NUSAP1: variants seen among roughly 807,000 people sequenced by gnomAD.
NUSAP1 encodes the protein nucleolar and spindle-associated protein 1.
NUSAP1 carries 32 observed loss-of-function variants against 52.8 expected under a neutral mutation model. That is an observed-to-expected ratio of 0.61 (90% CI 0.46 to 0.81). NUSAP1 has a LOEUF of 0.81. Among genes scored for constraint, NUSAP1 ranks in the 40% least tolerant of loss-of-function variants. The pLI is 0.00. For synonymous variants in NUSAP1, 195 were observed against 183.1 expected (o/e 1.06, Z -0.52); for missense variants, 499 against 522.3 (o/e 0.96, Z 0.43).
chr15:41,340,650 G>A (rs1462973632), intron 1 of NUSAP1, among the ~76,000 whole-genome samples: 4 of 152,154 alleles, frequency 2.6e-5, no homozygotes, highest in Admixed American at 6.5e-5. Flanking sequence ...ATTTTTGTAT[G>A]TTTGGTGAGA....
At chr15:41,349,882 T>C (rs2140621013) in intron 3 of NUSAP1, among the ~76,000 whole-genome samples, 1 of 151,004 alleles carries the variant, frequency 6.6e-6, no homozygotes, top group South Asian at 2.1e-4. Context: ...TTCTCCTGCC[T>C]CTGCCTCCTG....
At chr15:41,340,730 C>G (rs1489662917) in intron 1 of NUSAP1, among the ~76,000 whole-genome samples, 2 of 152,156 alleles carry the variant, frequency 1.3e-5, no homozygotes, top group African/African-American at 2.4e-5. Flanking sequence ...CAATCATCCC[C>G]TTCCCAGAGA....
intron 4 of NUSAP1, among the ~76,000 whole-genome samples, chr15:41,352,249 C>A (rs796202442): frequency 2.0e-5 from 3 of 151,930 alleles, no homozygotes; most frequent in South Asian, 2.1e-4. Context: ...GCCTTCCTTT[C>A]GCTTTCTTTT....
At chr15:41,362,584 C>A (rs2049220551) in intron 6 of NUSAP1, among the ~76,000 whole-genome samples, 1 of 151,344 alleles carries the variant, frequency 6.6e-6, no homozygotes, top group Admixed American at 6.6e-5. Context: ...GCCACCACAC[C>A]CGGCTAATTT....
At chr15:41,370,749 CAAAAAAAA>C (rs60034914) in intron 7 of NUSAP1, among the ~76,000 whole-genome samples, 53 of 70,772 alleles carry the variant, frequency 7.5e-4, no homozygotes, top group Middle Eastern at 7.6e-3. Context: ...AACTCCATCT[CAAAAAAAA>C]AAAAAAAAAA....
chr15:41,360,992 G>A (rs2049153081), intron 6 of NUSAP1, among the ~76,000 whole-genome samples: 1 of 152,066 alleles, frequency 6.6e-6, no homozygotes, highest in Admixed American at 6.6e-5. Context: ...TACTCAGGAA[G>A]CTGAGACAGG....
chr15:41,357,837 A>G (rs1303282654), intron 5 of NUSAP1, among the ~76,000 whole-genome samples: 1 of 152,216 alleles, frequency 6.6e-6, no homozygotes, highest in African/African-American at 2.4e-5. Context: ...TTATTAAATA[A>G]AGACCACTTG....
At chr15:41,363,059 G>A (rs1171907156) in intron 6 of NUSAP1, among the ~76,000 whole-genome samples, 1 of 151,944 alleles carries the variant, frequency 6.6e-6, no homozygotes, top group Non-Finnish European at 1.5e-5. Flanking sequence ...GGCTGAGGTG[G>A]GTGGATCACC....
intron 8 of NUSAP1, among the ~76,000 whole-genome samples, chr15:41,374,601 C>T (rs774873912): frequency 3.9e-5 from 6 of 152,050 alleles, no homozygotes; most frequent in Non-Finnish European, 8.8e-5. Flanking sequence ...AATCTCGGCT[C>T]GCTGCAACCT....
At chr15:41,361,100 C>CAA (rs372017363) in intron 6 of NUSAP1, among the ~76,000 whole-genome samples, 2 of 141,814 alleles carry the variant, frequency 1.4e-5, no homozygotes, top group African/African-American at 5.2e-5. Context: ...TCTCAAAAAA[C>CAA]AAAAAAAATA....
At chr15:41,363,120 G>C (rs1595578019) in intron 6 of NUSAP1, among the ~76,000 whole-genome samples, 1 of 151,734 alleles carries the variant, frequency 6.6e-6, no homozygotes, top group Admixed American at 6.6e-5. Flanking sequence ...AACCCCGTCT[G>C]TACTAAAAAT....
At chr15:41,355,392 C>A (rs974332381) in intron 4 of NUSAP1, among the ~76,000 whole-genome samples, 2 of 149,010 alleles carry the variant, frequency 1.3e-5, no homozygotes, top group Non-Finnish European at 3.0e-5. Flanking sequence ...AGGATGGTCT[C>A]CATCTCTTGA....
At chr15:41,364,541 G>C (rs183676984) in intron 6 of NUSAP1, among the ~76,000 whole-genome samples, 1 of 151,712 alleles carries the variant, frequency 6.6e-6, no homozygotes, top group Admixed American at 6.6e-5. Flanking sequence ...AAGAGACCCC[G>C]TCTCATTTAA....
At position 41,358,172 on chromosome 15, in the gene NUSAP1, C is replaced by A. The variant is rs2049037386; in HGVS notation, c.574C>A (p.His192Asn). The part of the protein sequence containing the change: ...TPNFKKLHEA[H>N]FKEMESIDQY... ...AGACTTTAAGAAGCTTCATGAAGCT[C>A]ATTTTAAGGAAATGGAGTCCATTGA... The change falls in exon 6 of 11, where the codon CAT becomes AAT. Residue 192 changes from histidine to asparagine, a missense_variant. Physicochemically the swap from His to Asn is moderately conservative, Grantham distance 68 (BLOSUM62 1). Transcript: ENST00000559596. 2 of 1,547,172 alleles carry A rather than the reference C, an allele frequency of 1.3e-6. No individual in the cohort carries two copies. The highest frequency in any genetic ancestry group is 3.7e-5 in the Admixed American group (2 of 54,626).
intron 1 of NUSAP1, among the ~76,000 whole-genome samples, chr15:41,337,383 A>T (rs910593114): frequency 6.6e-6 from 1 of 152,174 alleles, no homozygotes; most frequent in Admixed American, 6.6e-5. Context: ...TGCCTGTCTA[A>T]GGGCAACCTT....
At chr15:41,335,851 A>G (rs1329682983) in intron 1 of NUSAP1, among the ~76,000 whole-genome samples, 2 of 148,250 alleles carry the variant, frequency 1.3e-5, no homozygotes, top group Non-Finnish European at 3.0e-5. Context: ...ATATAAATAT[A>G]CTAAATATAC....
At chr15:41,344,587 G>A (rs28623183) in intron 2 of NUSAP1, among the ~76,000 whole-genome samples, 32,275 of 151,552 alleles carry the variant, frequency 0.21, 3,703 homozygotes, top group Non-Finnish European at 0.25. Context: ...GCAGTGAGCC[G>A]AGATCATGCC....
chr15:41,366,294 T>C (rs2049408716), intron 7 of NUSAP1, among the ~76,000 whole-genome samples: 1 of 150,806 alleles, frequency 6.6e-6, no homozygotes, highest in Non-Finnish European at 1.5e-5. Context: ...CTTTTTTCTT[T>C]TTTTTTTTTT....
At chr15:41,377,808 T>C (rs1172522318) in intron 10 of NUSAP1, among the ~76,000 whole-genome samples, 15 of 150,676 alleles carry the variant, frequency 1.0e-4, no homozygotes, top group Admixed American at 2.0e-4. Flanking sequence ...GAGACCATCC[T>C]GGCTAACGCA....
Sources: allele counts gnomAD v4.1 joint callset (sites outside exome capture counted in the v4.1 genomes callset), GRCh38; gene constraint gnomAD v4.1.1; transcripts MANE v1.5; gene names NCBI Gene and HGNC (gene_info 2026-07-23, HGNC 2026-07-21).